LTBP1: variants seen among roughly 807,000 people sequenced by gnomAD.
LTBP1 encodes latent transforming growth factor beta binding protein 1.
A neutral mutation model predicts 207.6 loss-of-function variants in LTBP1; 129 were observed. The observed-to-expected ratio is 0.62, with a 90% CI of 0.54 to 0.72. The LOEUF (loss-of-function observed/expected upper bound fraction) is 0.72. LTBP1 is among the 30% of genes least tolerant of loss of function. The pLI, the probability that LTBP1 is intolerant of heterozygous loss-of-function variation, is 0.00. For missense variants in LTBP1, 2,281 were observed against 2,217.2 expected (o/e 1.03, Z -0.58); for synonymous variants, 963 against 833.7 (o/e 1.16, Z -2.67).
intron 26 of LTBP1, among the ~76,000 whole-genome samples, chr2:33,348,021 A>G (rs2094727158): frequency 6.6e-6 from 1 of 152,192 alleles, no homozygotes; most frequent in African/African-American, 2.4e-5. Flanking sequence ...TTCGCTTAAA[A>G]TTTGATTTAG....
intron 7 of LTBP1, among the ~76,000 whole-genome samples, chr2:33,214,282 C>A (rs1343755684): frequency 6.6e-6 from 1 of 152,178 alleles, no homozygotes; most frequent in Non-Finnish European, 1.5e-5. Context: ...TCATTGTTCG[C>A]CTTTCCTCCC....
chr2:33,061,882 G>A (rs1267706101), intron 3 of LTBP1, among the ~76,000 whole-genome samples: 4 of 152,146 alleles, frequency 2.6e-5, no homozygotes, highest in Non-Finnish European at 4.4e-5. Context: ...GAAACTCTCA[G>A]ATGTTTTTTC....
intron 3 of LTBP1, 43 bp downstream of exon 3, chr2:33,021,249 T>C: frequency 6.6e-7 from 1 of 1,521,200 alleles, no homozygotes; most frequent in Non-Finnish European, 8.9e-7. Flanking sequence ...TCATCTTAAT[T>C]ACTCTCTTGG....
intron 2 of LTBP1, among the ~76,000 whole-genome samples, chr2:32,957,182 G>A (rs773449082): frequency 2.1e-4 from 32 of 152,346 alleles, no homozygotes; most frequent in South Asian, 6.2e-4. Flanking sequence ...TAAAAGGAGA[G>A]TCAGCCCATC....
At chr2:33,152,295 T>A (rs2083601718) in intron 5 of LTBP1, among the ~76,000 whole-genome samples, 1 of 152,080 alleles carries the variant, frequency 6.6e-6, no homozygotes, top group Non-Finnish European at 1.5e-5. Flanking sequence ...GATATACAGA[T>A]GGCCAACAAA....
intron 19 of LTBP1, among the ~76,000 whole-genome samples, chr2:33,283,090 A>C (rs1011375098): frequency 6.8e-6 from 1 of 147,482 alleles, no homozygotes; most frequent in African/African-American, 2.5e-5. Context: ...AAAAAGAGAG[A>C]GTGAATAAAA....
chr2:33,308,825 A>G (rs1400935573), intron 22 of LTBP1, among the ~76,000 whole-genome samples: 1 of 152,194 alleles, frequency 6.6e-6, no homozygotes, highest in African/African-American at 2.4e-5. Flanking sequence ...TGCATAATAC[A>G]GAAGCTTGTA....
chr2:33,320,381 C>T (rs1405384883), intron 24 of LTBP1, among the ~76,000 whole-genome samples: 2 of 136,596 alleles, frequency 1.5e-5, no homozygotes, highest in Non-Finnish European at 3.1e-5. Context: ...GAAAAAAAAG[C>T]GTGATAAACT....
chr2:33,275,238 T>C (rs2093401554), intron 17 of LTBP1, 148 bp downstream of exon 17: 1 of 947,062 alleles, frequency 1.1e-6, no homozygotes, highest in Non-Finnish European at 1.5e-6. Flanking sequence ...TCCCAGGTGA[T>C]ATAAAAATGG....
chr2:33,381,441 G>A (rs532553923), intron 31 of LTBP1, among the ~76,000 whole-genome samples: 2 of 152,274 alleles, frequency 1.3e-5, no homozygotes, highest in South Asian at 4.2e-4. Flanking sequence ...AACGTGGTTG[G>A]TCTATGGCCC....
chr2:33,265,807 G>A (rs1206155961), intron 15 of LTBP1, among the ~76,000 whole-genome samples: 2 of 152,138 alleles, frequency 1.3e-5, no homozygotes, highest in African/African-American at 4.8e-5. Context: ...TCACTAAGGG[G>A]CATCATCATC....
intron 2 of LTBP1, among the ~76,000 whole-genome samples, chr2:33,002,702 G>A (rs563268463): frequency 1.3e-5 from 2 of 152,062 alleles, no homozygotes; most frequent in South Asian, 4.2e-4. Flanking sequence ...TTAAAAAAAG[G>A]GGTCTCACCC....
intron 2 of LTBP1, among the ~76,000 whole-genome samples, chr2:32,956,820 A>C (rs950531193): frequency 6.6e-6 from 1 of 152,208 alleles, no homozygotes; most frequent in African/African-American, 2.4e-5. Flanking sequence ...AGAAGACTTG[A>C]AAGTTGAAAT....
chr2:32,987,228 G>A (rs1285037971), intron 2 of LTBP1, among the ~76,000 whole-genome samples: 2 of 152,206 alleles, frequency 1.3e-5, no homozygotes, highest in Non-Finnish European at 1.5e-5. Context: ...TGCAGAAGAT[G>A]TGGTTTCTGA....
At position 33,020,938 on chromosome 2, in the gene LTBP1, G is replaced by A. The variant is rs1475192894; in HGVS notation, c.595G>A (p.Gly199Arg). ...PSCVPPCQNG[G>R]MCLRPQLCVC... ...CTGTGTTCCGCCATGTCAGAATGGAGGGATGTGTCTCCGGCCACAACTCTG... is the reference window on the plus strand; with the variant it reads ...CTGTGTTCCGCCATGTCAGAATGGAAGGATGTGTCTCCGGCCACAACTCTG... The change falls in exon 3 of 34, where the codon GGG (glycine) becomes AGG (arginine). Residue 199 changes from glycine (G) to arginine (R), a missense_variant. This residue lies in a region of LTBP1 where 555 missense variants were observed against 491.0 expected (regional missense o/e 1.13). Transcript: ENST00000404816. 3.8e-6 allele frequency: 6 copies of A among 1,594,934 alleles called. No individual in the cohort carries two copies. The highest frequency in any genetic ancestry group is 1.3e-5 in the African/African-American group (1 of 74,702).
intron 9 of LTBP1, among the ~76,000 whole-genome samples, chr2:33,241,204 C>T (rs924665498): frequency 5.9e-5 from 9 of 152,138 alleles, no homozygotes; most frequent in African/African-American, 1.4e-4. Flanking sequence ...CTGGGTTCTT[C>T]GGGCCAAAAT....
At chr2:33,067,629 A>T (rs2077581909) in intron 3 of LTBP1, among the ~76,000 whole-genome samples, 1 of 152,236 alleles carries the variant, frequency 6.6e-6, no homozygotes, top group East Asian at 1.9e-4. Context: ...CAGTATAACA[A>T]CTATTTACAT....
At chr2:33,026,132 T>C (rs1297855300) in intron 3 of LTBP1, among the ~76,000 whole-genome samples, 1 of 152,170 alleles carries the variant, frequency 6.6e-6, no homozygotes, top group African/African-American at 2.4e-5. Flanking sequence ...GCAGTACTGA[T>C]AGTTATTACT....
At chr2:33,220,146 C>T (rs917681205) in intron 8 of LTBP1, among the ~76,000 whole-genome samples, 2 of 152,188 alleles carry the variant, frequency 1.3e-5, no homozygotes, top group Admixed American at 6.5e-5. Context: ...CTGTTAACAT[C>T]TTGACATTTA....
Sources: gnomAD v4.1 joint callset for allele counts (sites outside exome capture counted in the v4.1 genomes callset) on GRCh38, gnomAD v4.1.1 for gene constraint, gnomAD v4.1.1 regional missense constraint, MANE v1.5 for transcripts, NCBI Gene and HGNC (gene_info 2026-07-23, HGNC 2026-07-21) for gene names.